The following RYR2 variants were observed in gnomAD, a reference collection of about 807,000 sequenced individuals.
The protein encoded by RYR2 is ryanodine receptor 2.
Under a neutral mutation model 601.1 loss-of-function variants are expected in RYR2, and 227 were observed. That is an observed-to-expected ratio of 0.38 (90% CI 0.34 to 0.42). RYR2 has a LOEUF of 0.42. Among genes scored for constraint, RYR2 ranks in the 10% least tolerant of loss-of-function variants. The pLI, the probability that RYR2 is intolerant of heterozygous loss-of-function variation, is 1.00. For synonymous variants in RYR2, 2,223 were observed against 2,175.1 expected (o/e 1.02, Z -0.61); for missense variants, 4,646 against 6,156.5 (o/e 0.75, Z 8.21).
At chr1:237,382,926 T>TTC (rs1225496119) in intron 8 of RYR2, among the ~76,000 whole-genome samples, 1 of 151,588 alleles carries the variant, frequency 6.6e-6, no homozygotes, top group Non-Finnish European at 1.5e-5. Context: ...TTTTTTTTTT[T>TTC]CAGAAGAAAA....
chr1:237,584,658 T>TTTTTTTTG (rs1674317017), intron 29 of RYR2, among the ~76,000 whole-genome samples: 1 of 137,182 alleles, frequency 7.3e-6, no homozygotes, highest in African/African-American at 2.7e-5. Context: ...TGTTTTTTTT[T>TTTTTTTTG]TTTTTTTTTT....
At chr1:237,548,761 C>T (rs1212290163) in intron 26 of RYR2, among the ~76,000 whole-genome samples, 171 bp downstream of exon 26, 2 of 152,134 alleles carry the variant, frequency 1.3e-5, no homozygotes, top group Non-Finnish European at 2.9e-5. Flanking sequence ...ATTTACATGA[C>T]CTTAGTTCTG....
In RYR2 at chr1:237,350,571, C is replaced by CA. The variant is rs1167546068; in HGVS notation, c.274-5362dup. Among the ~76,000 whole-genome samples, 52 of 26,958 alleles carry CA rather than the reference C, an allele frequency of 1.9e-3. 6 individuals carry two copies. Among genetic ancestry groups the CA allele is most frequent in the East Asian group, 4.2e-3 (4 of 944 alleles). The allele number at this position is 26,958 out of a possible 152,430, so 17.7% of individuals were successfully genotyped here. Reference sequence around the variant, plus strand: ...GGGTGACAAAAGTAAGACTCTGTCTCAAAAAAAAAAAAAAAAAAAAAAAAA... The same window carrying CA: ...GGGTGACAAAAGTAAGACTCTGTCTCAAAAAAAAAAAAAAAAAAAAAAAAAA... On this transcript the variant is annotated intron_variant, in intron 3 of 104. Coordinates refer to ENST00000366574, the MANE Select transcript of RYR2 (RefSeq NM_001035.3).
intron 56 of RYR2, among the ~76,000 whole-genome samples, chr1:237,662,063 G>GA (rs958476558): frequency 2.0e-4 from 30 of 147,732 alleles, no homozygotes; most frequent in East Asian, 1.2e-3. Flanking sequence ...TATCATTTTT[G>GA]AAAAAAAAAT....
chr1:237,529,742 G>A lies in RYR2; in HGVS notation c.2823-685G>A, dbSNP rs969211688. Among the ~76,000 whole-genome samples, 11 of 114,762 alleles carry A rather than the reference G, an allele frequency of 9.6e-5. 1 individual carries two copies. Among genetic ancestry groups the A allele is most frequent in the African/African-American group, 3.6e-4 (11 of 30,718 alleles). The allele number at this position is 114,762 out of a possible 152,430, so 75.3% of individuals were successfully genotyped here. ...CCTGTATATACGCATTTCTATAAAA[G>A]GTAAAACAATAATATCATACACACA... On this transcript the variant is annotated intron_variant, in intron 24 of 104. Coordinates refer to ENST00000366574, the MANE Select transcript of RYR2 (RefSeq NM_001035.3).
chr1:237,232,650 G>T (rs1037860099), intron 1 of RYR2, among the ~76,000 whole-genome samples: 11 of 152,180 alleles, frequency 7.2e-5, no homozygotes, highest in Non-Finnish European at 5.9e-5. Flanking sequence ...CCTGTTAGAA[G>T]TTCCCAAGGC....
chr1:237,593,383 C>T (rs1675450604), intron 32 of RYR2, 93 bp from the exon 33 acceptor site: 1 of 1,249,154 alleles, frequency 8.0e-7, no homozygotes, highest in Non-Finnish European at 1.1e-6. Flanking sequence ...ATTCTTAAGT[C>T]ATTCACAGAC....
chr1:237,595,462 G>A (rs1261883045), intron 33 of RYR2, 36 bp from the exon 34 acceptor site: 8 of 1,597,628 alleles, frequency 5.0e-6, no homozygotes, highest in Non-Finnish European at 6.8e-6. Context: ...TTTATCTGTG[G>A]TTGTACAAAG....
chr1:237,366,047 G>T (rs1018457286), intron 5 of RYR2, among the ~76,000 whole-genome samples: 1 of 152,210 alleles, frequency 6.6e-6, no homozygotes, highest in East Asian at 1.9e-4. Context: ...TTTAAGTCAC[G>T]TAAACAGAAA....
At chr1:237,322,732 A>G (rs766095543) in intron 2 of RYR2, among the ~76,000 whole-genome samples, 2 of 151,704 alleles carry the variant, frequency 1.3e-5, no homozygotes, top group Non-Finnish European at 2.9e-5. Flanking sequence ...TAGCTCATAC[A>G]CTATTTTTGT....
chr1:237,098,443 C>T (rs1667719166), intron 1 of RYR2, among the ~76,000 whole-genome samples: 1 of 150,254 alleles, frequency 6.7e-6, no homozygotes, highest in African/African-American at 2.5e-5. Flanking sequence ...TCAAGATGTA[C>T]TGTCTTAGCA....
chr1:237,293,988 C>T (rs997549308), intron 2 of RYR2, among the ~76,000 whole-genome samples: 39 of 152,208 alleles, frequency 2.6e-4, no homozygotes, highest in African/African-American at 8.4e-4. Flanking sequence ...TGTTGCTTCC[C>T]CTGGCAACCA....
chr1:237,816,071 G>A (rs1210987721), intron 100 of RYR2, among the ~76,000 whole-genome samples: 2 of 152,272 alleles, frequency 1.3e-5, no homozygotes, highest in East Asian at 3.9e-4. Flanking sequence ...AAGAAGCAGG[G>A]ATGGAGAGCT....
chr1:237,596,840 GA>G (rs1236542984), intron 34 of RYR2, among the ~76,000 whole-genome samples: 1 of 152,214 alleles, frequency 6.6e-6, no homozygotes, highest in Non-Finnish European at 1.5e-5. Context: ...GAAGGCTAGG[GA>G]AATGAGATAT....
chr1:237,340,589 C>T lies in RYR2; in HGVS notation c.273+9607C>T, dbSNP rs116227452. Among the ~76,000 whole-genome samples the T allele has an allele frequency of 7.9e-3, 1,208 of 152,262 alleles. 15 individuals are homozygous for T. Among genetic ancestry groups the T allele is most frequent in the African/African-American group, 0.025 (1,037 of 41,558 alleles). On this transcript the variant is annotated intron_variant, in intron 3 of 104. Coordinates refer to ENST00000366574, the MANE Select transcript of RYR2 (RefSeq NM_001035.3). ...TACTAGCTATTTATATCTGAAACTT[C>T]TATTCTCAAATATCTAGTCTAACTT...
At chr1:237,127,455 G>T (rs1442526314) in intron 1 of RYR2, among the ~76,000 whole-genome samples, 2 of 151,212 alleles carry the variant, frequency 1.3e-5, no homozygotes, top group African/African-American at 2.4e-5. Flanking sequence ...CGGCTGGCCG[G>T]GCAGGGGGCT....
chr1:237,227,170 T>G (rs1049858095), intron 1 of RYR2, among the ~76,000 whole-genome samples: 2 of 152,150 alleles, frequency 1.3e-5, no homozygotes, highest in African/African-American at 4.8e-5. Flanking sequence ...GAGTTCCTAT[T>G]ATACAGCATG....
Position 237,225,142 on chromosome 1 carries a change from G to A in RYR2, c.49-45355G>A, listed in dbSNP as rs116364430. On this transcript the variant is annotated intron_variant, in intron 1 of 104. Coordinates refer to ENST00000366574, the MANE Select transcript of RYR2 (RefSeq NM_001035.3). The stretch of plus-strand genomic sequence containing the variant: ...GTTTTGAAGTCTGAGTAGGCCAGGT[G>A]AACAACATCCATTTTCTTACCTGGG... Among the ~76,000 whole-genome samples the A allele has an allele frequency of 5.7e-3, 872 of 152,222 alleles. 12 individuals carry two copies. Among genetic ancestry groups the A allele is most frequent in the African/African-American group, 0.02 (828 of 41,530 alleles).
At chr1:237,470,891 GAGAGAC>G (rs1660644653) in intron 17 of RYR2, among the ~76,000 whole-genome samples, 1 of 151,862 alleles carries the variant, frequency 6.6e-6, no homozygotes, top group Admixed American at 6.6e-5. Flanking sequence ...GGGCAGAGAG[GAGAGAC>G]AGAGAGAGAG....
Sources: gnomAD v4.1 joint callset for allele counts (sites outside exome capture counted in the v4.1 genomes callset) on GRCh38, gnomAD v4.1.1 for gene constraint, MANE v1.5 for transcripts, NCBI Gene and HGNC (gene_info 2026-07-23, HGNC 2026-07-21) for gene names.